Variants in SORCS1 observed in about 807,000 individuals in gnomAD.
The protein encoded by SORCS1 is VPS10 domain-containing receptor SorCS1.
SORCS1 carries 60 observed loss-of-function variants against 146.1 expected under a neutral mutation model. The observed-to-expected ratio is 0.41, with a 90% CI of 0.33 to 0.51. The LOEUF is 0.51. Among genes scored for constraint, SORCS1 ranks in the 20% least tolerant of loss-of-function variants. The pLI is 0.21. For synonymous variants in SORCS1, 637 were observed against 584.0 expected (o/e 1.09, Z -1.31); for missense variants, 1,352 against 1,487.6 (o/e 0.91, Z 1.50).
intron 6 of SORCS1, among the ~76,000 whole-genome samples, chr10:106,719,543 G>C (rs1447997433): frequency 3.9e-5 from 6 of 151,918 alleles, no homozygotes; most frequent in Admixed American, 6.6e-5. Context: ...CTCCCAAGTA[G>C]CTGGGACTAT....
chr10:107,141,644 G>C (rs549141466), intron 1 of SORCS1, among the ~76,000 whole-genome samples: 18 of 152,276 alleles, frequency 1.2e-4, no homozygotes, highest in African/African-American at 4.1e-4. Flanking sequence ...ATGGGGCAGA[G>C]GAATCCCTTG....
At chr10:106,606,385 C>T (rs772227611) in intron 23 of SORCS1, among the ~76,000 whole-genome samples, 15 of 151,838 alleles carry the variant, frequency 9.9e-5, no homozygotes, top group Non-Finnish European at 1.8e-4. Flanking sequence ...AGTAGAGTTG[C>T]TCGGGAGCTA....
At chr10:106,788,291 C>T (rs987978469) in intron 3 of SORCS1, among the ~76,000 whole-genome samples, 2 of 152,096 alleles carry the variant, frequency 1.3e-5, no homozygotes, top group South Asian at 2.1e-4. Context: ...CTGCCCTGGG[C>T]CCCTCCCAAA....
chr10:106,859,005 A>G (rs1417118578), intron 2 of SORCS1, among the ~76,000 whole-genome samples: 1 of 152,230 alleles, frequency 6.6e-6, no homozygotes, highest in Non-Finnish European at 1.5e-5. Flanking sequence ...GCAGTAGTCC[A>G]GGTAAATTTA....
chr10:107,158,916 G>C (rs1969501161), intron 1 of SORCS1, among the ~76,000 whole-genome samples: 1 of 148,968 alleles, frequency 6.7e-6, no homozygotes, highest in African/African-American at 2.5e-5. Flanking sequence ...TGTGGATGTA[G>C]TTCTGACAGT....
chr10:106,679,826 A>C (rs1852303061), intron 10 of SORCS1, 92 bp from the exon 11 acceptor site: 1 of 991,884 alleles, frequency 1.0e-6, no homozygotes, highest in Non-Finnish European at 1.5e-6. Context: ...CTAACCAACC[A>C]TCCCATTTAC....
intron 5 of SORCS1, among the ~76,000 whole-genome samples, chr10:106,751,935 G>A (rs970754328): frequency 6.6e-6 from 1 of 152,070 alleles, no homozygotes; most frequent in Non-Finnish European, 1.5e-5. Flanking sequence ...TTATCTTCTA[G>A]AAGGAAATGA....
At chr10:106,881,066 G>A (rs1950786725) in intron 2 of SORCS1, among the ~76,000 whole-genome samples, 1 of 111,492 alleles carries the variant, frequency 9.0e-6, no homozygotes. Context: ...AACAGAGCAA[G>A]ACTCTGTCTC....
intron 14 of SORCS1, among the ~76,000 whole-genome samples, chr10:106,674,080 G>C (rs1279141339): frequency 6.6e-6 from 1 of 151,078 alleles, no homozygotes; most frequent in Non-Finnish European, 1.5e-5. Context: ...ACTTTGGGAG[G>C]CCGAGGCAGG....
intron 1 of SORCS1, among the ~76,000 whole-genome samples, chr10:107,102,088 C>T (rs1230926067): frequency 6.6e-6 from 1 of 152,170 alleles, no homozygotes; most frequent in East Asian, 1.9e-4. Flanking sequence ...TCTTGGTCAT[C>T]ATTTTCCCCT....
intron 1 of SORCS1, among the ~76,000 whole-genome samples, chr10:107,153,545 G>A (rs897618126): frequency 5.3e-5 from 8 of 152,280 alleles, no homozygotes; most frequent in African/African-American, 9.6e-5. Flanking sequence ...CAACAAAGGC[G>A]ATGATAAACA....
At chr10:106,750,472 T>C (rs1424963271) in intron 5 of SORCS1, among the ~76,000 whole-genome samples, 1 of 151,868 alleles carries the variant, frequency 6.6e-6, no homozygotes, top group African/African-American at 2.4e-5. Context: ...GGTTCAGGCC[T>C]GCAATACCAG....
At chr10:107,056,416 A>G (rs1960644250) in intron 1 of SORCS1, among the ~76,000 whole-genome samples, 1 of 152,232 alleles carries the variant, frequency 6.6e-6, no homozygotes, top group Non-Finnish European at 1.5e-5. Flanking sequence ...TGCAAGACAT[A>G]GATATAATGT....
At chr10:106,616,948 CTTTCTTTT>C (rs1564782355) in intron 21 of SORCS1, among the ~76,000 whole-genome samples, 1 of 145,208 alleles carries the variant, frequency 6.9e-6, no homozygotes, top group Non-Finnish European at 1.5e-5. Context: ...CTCTCTTGCT[CTTTCTTTT>C]TTTTTTTTTT....
intron 1 of SORCS1, among the ~76,000 whole-genome samples, chr10:106,983,219 T>TATACATATTTCTATATATAAATATAC (rs1956314398): frequency 6.8e-6 from 1 of 147,258 alleles, no homozygotes; most frequent in Non-Finnish European, 1.5e-5. Flanking sequence ...TATAAATATA[T>TATACATATTTCTATATATAAATATAC]ATACATATTT....
intron 2 of SORCS1, among the ~76,000 whole-genome samples, chr10:106,850,508 C>T: frequency 6.6e-6 from 1 of 152,088 alleles, no homozygotes. Flanking sequence ...TGAGATGAAC[C>T]CGGTACCTCA....
chr10:107,044,814 TA>T (rs71025575), intron 1 of SORCS1, among the ~76,000 whole-genome samples: 28,161 of 90,714 alleles, frequency 0.31, 2,798 homozygotes, highest in Middle Eastern at 0.43. Flanking sequence ...TGTGTCTCAA[TA>T]AAAAAAAAAA....
At chr10:107,128,506 T>G (rs1184004415) in intron 1 of SORCS1, among the ~76,000 whole-genome samples, 1 of 152,212 alleles carries the variant, frequency 6.6e-6, no homozygotes, top group East Asian at 1.9e-4. Flanking sequence ...TTTGGATAAG[T>G]GTCTGAACTC....
intron 1 of SORCS1, among the ~76,000 whole-genome samples, chr10:106,989,446 A>T (rs999132493): frequency 1.3e-5 from 2 of 151,962 alleles, no homozygotes; most frequent in African/African-American, 2.4e-5. Flanking sequence ...ATCTTCAAGC[A>T]TGATCTGTTC....
Sources: allele counts gnomAD v4.1 joint callset (sites outside exome capture counted in the v4.1 genomes callset), GRCh38; gene constraint gnomAD v4.1.1; transcripts MANE v1.5; gene names NCBI Gene and HGNC (gene_info 2026-07-23, HGNC 2026-07-21).